The following ADAP2 variants were observed in gnomAD, a reference collection of about 807,000 sequenced individuals.
ADAP2 encodes ArfGAP with dual PH domains 2.
In ADAP2, 42 loss-of-function variants were observed where a neutral mutation model predicts 54.9. The observed-to-expected ratio is 0.77, with a 90% CI of 0.60 to 0.99. The LOEUF (loss-of-function observed/expected upper bound fraction) is 0.99, where lower values mean the gene tolerates loss of function less well. Ranked by LOEUF, ADAP2 falls within the 50% of genes least tolerant of loss-of-function variation. The pLI is 0.00. For missense variants in ADAP2, 429 were observed against 480.4 expected, an observed-to-expected ratio of 0.89 and a Z score of 1.00; for synonymous variants, 177 against 180.1, an observed-to-expected ratio of 0.98 and a Z score of 0.14.
At chr17:30,953,454 C>A in intron 8 of ADAP2, 104 bp downstream of exon 8, 1 of 1,213,458 alleles carries the variant, frequency 8.2e-7, no homozygotes, top group Non-Finnish European at 1.2e-6. Flanking sequence ...AGGTGTTAGG[C>A]CAAGCTTGTC....
At chr17:30,933,214 G>T (rs774569336) in intron 4 of ADAP2, among the ~76,000 whole-genome samples, 13 of 152,144 alleles carry the variant, frequency 8.5e-5, no homozygotes, top group Non-Finnish European at 1.3e-4. Flanking sequence ...TTGAGTCAGG[G>T]TCTCACTCTG....
chr17:30,945,025 A>T lies in ADAP2; in HGVS notation c.629A>T (p.Asn210Ile), dbSNP rs1017172408. Residue 210 changes from asparagine to isoleucine, a missense_variant, in exon 6 of 11, where the codon AAC (asparagine) becomes ATC (isoleucine). Asn to Ile is a moderately radical substitution (Grantham distance 149). Coordinates refer to ENST00000330889, the MANE Select transcript of ADAP2 (RefSeq NM_018404.3). Reference protein sequence around the residue: ...ITYRRDGHTRNLFVYHESGKE... With the variant: ...ITYRRDGHTRILFVYHESGKE... ...TACAGGAGAGATGGCCACACCAGGA[A>T]CCTGTTTGTGTATCATGAAAGTGGG... is the stretch of plus-strand genomic sequence containing the variant. The T allele has an allele frequency of 6.2e-7, 1 of 1,613,992 alleles. No individual in the cohort carries two copies. The highest frequency in any genetic ancestry group is 1.3e-5 in the African/African-American group (1 of 75,008).
rs143073788 is a variant in ADAP2, at chr17:30,922,945, G to A, written c.100G>A (p.Asp34Asn). ...HCADCGAADP[D>N]WASYKLGIFI... is the part of the protein sequence containing the mutation. Reference sequence around the variant, plus strand: ...TCCTGCCTCATCCCCTGCAGATCCCGACTGGGCCTCTTACAAGCTGGGGAT... The same window carrying A: ...TCCTGCCTCATCCCCTGCAGATCCCAACTGGGCCTCTTACAAGCTGGGGAT... The change falls in exon 2 of 11, where the codon GAC becomes AAC. Residue 34 changes from aspartate (D) to asparagine (N), a missense_variant. Asp to Asn is a conservative substitution (Grantham distance 23). Transcript: ENST00000330889. 6 of 1,613,776 alleles carry A rather than the reference G, an allele frequency of 3.7e-6. No individual in the cohort carries two copies. The African/African-American group carries it at 8.0e-5, about 22-fold the overall frequency.
intron 10 of ADAP2, 95 bp from the exon 11 acceptor site, chr17:30,957,738 CCT>C (rs1438843989): frequency 1.6e-6 from 2 of 1,254,200 alleles, no homozygotes; most frequent in Admixed American, 1.9e-5. Flanking sequence ...GCCATGGCTC[CCT>C]CTGTCTTTGT....
intron 3 of ADAP2, among the ~76,000 whole-genome samples, chr17:30,928,226 C>T (rs1242164614): frequency 3.5e-5 from 5 of 140,990 alleles, no homozygotes; most frequent in African/African-American, 5.3e-5. Flanking sequence ...CCGGATGTGG[C>T]GGCTCACACC....
intron 7 of ADAP2, among the ~76,000 whole-genome samples, chr17:30,949,606 A>G (rs1904451959): frequency 6.6e-6 from 1 of 151,794 alleles, no homozygotes; most frequent in Admixed American, 6.6e-5. Context: ...AAAATTAGCC[A>G]GGTGTGGTGG....
chr17:30,951,042 GT>G (rs1248006755), intron 7 of ADAP2, among the ~76,000 whole-genome samples: 1 of 152,166 alleles, frequency 6.6e-6, no homozygotes, highest in African/African-American at 2.4e-5. Context: ...ATGGTGTGAG[GT>G]TCTGAGCAAT....
Position 30,944,859 on chromosome 17 carries a change from G to GT in ADAP2, c.511-47dup, listed in dbSNP as rs779995821. 6 of 1,590,770 alleles carry GT rather than the reference G, an allele frequency of 3.8e-6. No individual in the cohort carries two copies. The Admixed American group carries it at 1.1e-4, about 29-fold the overall frequency. ...AGGCCTTGGTGAAGGTTGACCAGAA[G>GT]TCACCCTGTGGACTGTCAGCGTCTT... On this transcript the variant is annotated intron_variant, in intron 5 of 10. Transcript: ENST00000330889.
intron 5 of ADAP2, among the ~76,000 whole-genome samples, chr17:30,940,849 T>G (rs1912222307): frequency 6.6e-6 from 1 of 152,218 alleles, no homozygotes; most frequent in African/African-American, 2.4e-5. Context: ...GCAGATGTTA[T>G]TGTTCTTTGG....
chr17:30,934,402 C>T (rs1911722279), intron 5 of ADAP2, 105 bp downstream of exon 5: 1 of 746,570 alleles, frequency 1.3e-6, no homozygotes, highest in Non-Finnish European at 2.2e-6. Context: ...TAATCTCAGC[C>T]CCTGAGAGTT....
chr17:30,923,779 A>T (rs888450477), intron 2 of ADAP2, among the ~76,000 whole-genome samples: 33 of 135,718 alleles, frequency 2.4e-4, no homozygotes, highest in Non-Finnish European at 1.1e-4. Context: ...GGCTCACTGC[A>T]ACCTCTGCCT....
At chr17:30,932,614 G>C (rs1179285172) in intron 4 of ADAP2, among the ~76,000 whole-genome samples, 9 of 144,326 alleles carry the variant, frequency 6.2e-5, no homozygotes, top group Non-Finnish European at 1.2e-4. Flanking sequence ...TCTTGCTCTT[G>C]TTGCCCAGGG....
chr17:30,931,874 G>C lies in ADAP2; in HGVS notation c.318-15G>C, dbSNP rs373646729. On this transcript the variant is annotated splice_polypyrimidine_tract_variant and intron_variant, in intron 3 of 10. Coordinates refer to ENST00000330889, the MANE Select transcript of ADAP2 (RefSeq NM_018404.3). The stretch of plus-strand genomic sequence containing the variant: ...ATGCATCAAACGCAGCTGACCTCAG[G>C]CTCTCTCTTTTTAGGGTCTTAAAGG... 4 of 1,601,670 alleles carry C rather than the reference G, an allele frequency of 2.5e-6. No individual in the cohort carries two copies. The highest frequency in any genetic ancestry group is 1.1e-5 in the South Asian group (1 of 90,134).
chr17:30,956,177 C>T (rs998044040), intron 9 of ADAP2, 64 bp from the exon 10 acceptor site: 6 of 1,479,596 alleles, frequency 4.1e-6, no homozygotes, highest in East Asian at 2.3e-5. Flanking sequence ...TGGAGGCTGT[C>T]AGGGCTGCAG....
At chr17:30,954,070 G>A (rs1278186021) in intron 8 of ADAP2, among the ~76,000 whole-genome samples, 3 of 152,168 alleles carry the variant, frequency 2.0e-5, no homozygotes, top group African/African-American at 4.8e-5. Flanking sequence ...CAGCCCCTCC[G>A]CCTGGTTCTT....
intron 9 of ADAP2, among the ~76,000 whole-genome samples, chr17:30,954,825 C>G (rs1374870929): frequency 3.3e-5 from 5 of 152,138 alleles, no homozygotes; most frequent in Non-Finnish European, 2.9e-5. Flanking sequence ...CCTCTAGTCT[C>G]CAGGGCTCAC....
Position 30,922,932 on chromosome 17 carries a change from C to A in ADAP2, c.95-8C>A. 2 of 1,613,428 alleles carry A rather than the reference C, an allele frequency of 1.2e-6. No homozygotes were observed. Among genetic ancestry groups the A allele is most frequent in the Non-Finnish European group, 1.7e-6 (2 of 1,179,794 alleles). On this transcript the variant is annotated splice_polypyrimidine_tract_variant and splice_region_variant and intron_variant, in intron 1 of 10. Coordinates refer to ENST00000330889, the MANE Select transcript of ADAP2 (RefSeq NM_018404.3). ...CGCTCAGCTCCTCTCCTGCCTCATC[C>A]CCTGCAGATCCCGACTGGGCCTCTT...
At chr17:30,941,230 G>A (rs1468030384) in intron 5 of ADAP2, among the ~76,000 whole-genome samples, 1 of 152,214 alleles carries the variant, frequency 6.6e-6, no homozygotes, top group Non-Finnish European at 1.5e-5. Flanking sequence ...TGTGGTGTTA[G>A]CTATTGTTTG....
chr17:30,955,905 ATAATAAT>A (rs1264273802), intron 9 of ADAP2, among the ~76,000 whole-genome samples: 1 of 151,806 alleles, frequency 6.6e-6, no homozygotes, highest in Admixed American at 6.6e-5. Context: ...ACAATTCATA[ATAATAAT>A]TAATAATTTT....
Sources: allele counts gnomAD v4.1 joint callset (sites outside exome capture counted in the v4.1 genomes callset), GRCh38; gene constraint gnomAD v4.1.1; transcripts MANE v1.5; gene names NCBI Gene and HGNC (gene_info 2026-07-23, HGNC 2026-07-21).